STAG1: variants seen among roughly 807,000 people sequenced by gnomAD.
STAG1 encodes STAG1 cohesin complex component, also known as cohesin subunit SA-1.
STAG1 carries 26 observed loss-of-function variants against 170.9 expected under a neutral mutation model. That is an observed-to-expected ratio of 0.15 (90% CI 0.11 to 0.21). The LOEUF (loss-of-function observed/expected upper bound fraction) is 0.21. Among genes scored for constraint, STAG1 ranks in the 10% least tolerant of loss-of-function variants. The pLI is 1.00. For missense variants in STAG1, 964 were observed against 1,509.5 expected (o/e 0.64, Z 5.99); for synonymous variants, 514 against 497.7 (o/e 1.03, Z -0.44).
intron 1 of STAG1, among the ~76,000 whole-genome samples, chr3:136,680,369 C>CT (rs1376903102): frequency 6.6e-6 from 1 of 152,050 alleles, no homozygotes; most frequent in Admixed American, 6.6e-5. Flanking sequence ...AAAACAATCC[C>CT]TTTTTTAAAA....
Position 136,666,074 on chromosome 3 carries a change from C to CAAAAAAAAAAAAAAAAAAAAAAAAAA in STAG1, c.-83-35119_-83-35094dup, listed in dbSNP as rs576009223. On this transcript the variant is annotated intron_variant, in intron 1 of 33. Transcript: ENST00000383202. ...TGGGCGATAGAGTGAGACTCCATCT[C>CAAAAAAAAAAAAAAAAAAAAAAAAAA]AAAAAAAAAAAAAAAAAAAAAAAAA... Among the ~76,000 whole-genome samples, 4 of 51,170 alleles carry CAAAAAAAAAAAAAAAAAAAAAAAAAA rather than the reference C, an allele frequency of 7.8e-5. 1 individual carries two copies. Among genetic ancestry groups the CAAAAAAAAAAAAAAAAAAAAAAAAAA allele is most frequent in the African/African-American group, 5.3e-5 (1 of 19,038 alleles). The allele number at this position is 51,170 out of a possible 152,430, so 33.6% of individuals were successfully genotyped here.
At chr3:136,406,098 T>C (rs1345775791) in intron 21 of STAG1, among the ~76,000 whole-genome samples, 2 of 152,198 alleles carry the variant, frequency 1.3e-5, no homozygotes, top group African/African-American at 4.8e-5. Flanking sequence ...CAAATGTTCA[T>C]GACAGACTTA....
intron 21 of STAG1, among the ~76,000 whole-genome samples, chr3:136,405,791 C>CAAAAAAAAAAAAA (rs34952291): frequency 4.0e-5 from 2 of 50,080 alleles, no homozygotes; most frequent in African/African-American, 1.8e-4. Context: ...ACTCTATCTC[C>CAAAAAAAAAAAAA]AAAAAAAAAA....
chr3:136,555,770 C>T (rs976916476), intron 5 of STAG1, among the ~76,000 whole-genome samples: 2 of 150,882 alleles, frequency 1.3e-5, no homozygotes, highest in Non-Finnish European at 3.0e-5. Flanking sequence ...TGAAATCATC[C>T]AACAAAAATC....
intron 1 of STAG1, among the ~76,000 whole-genome samples, chr3:136,701,592 G>A (rs1460780885): frequency 1.3e-5 from 2 of 152,064 alleles, no homozygotes; most frequent in African/African-American, 4.8e-5. Flanking sequence ...ATGCCCCCCG[G>A]ATGTAAATAT....
At position 136,573,983 on chromosome 3, in the gene STAG1, C is replaced by A. The variant is rs143881580; in HGVS notation, c.298-5122G>T. Among the ~76,000 whole-genome samples the A allele has an allele frequency of 1.6e-3, 244 of 151,394 alleles. 4 individuals are homozygous for A. In the East Asian group the frequency reaches 0.026, roughly 16 times the overall value. ...GAGACGCTGGGTGCAGTGGCTCACA[C>A]CTGTAATCTCAGCACTCTGGGAGCC... On this transcript the variant is annotated intron_variant, in intron 4 of 33. Transcript: ENST00000383202.
intron 22 of STAG1, among the ~76,000 whole-genome samples, chr3:136,379,795 A>G (rs1937846636): frequency 6.6e-6 from 1 of 152,210 alleles, no homozygotes; most frequent in South Asian, 2.1e-4. Flanking sequence ...AGCAGCAAGA[A>G]AAAAAGCTAA....
At chr3:136,425,031 G>T (rs972411347) in intron 16 of STAG1, among the ~76,000 whole-genome samples, 12 of 151,918 alleles carry the variant, frequency 7.9e-5, no homozygotes, top group Non-Finnish European at 1.6e-4. Flanking sequence ...GTAGAGATGG[G>T]GTTTCATCAT....
chr3:136,485,171 C>G (rs1280009258), intron 9 of STAG1, among the ~76,000 whole-genome samples: 1 of 152,092 alleles, frequency 6.6e-6, no homozygotes, highest in East Asian at 1.9e-4. Flanking sequence ...AAAAGTAGCT[C>G]TACTGGCCAG....
intron 1 of STAG1, among the ~76,000 whole-genome samples, chr3:136,700,876 C>CTTTTTTTT (rs35459362): frequency 9.4e-4 from 74 of 78,338 alleles, no homozygotes; most frequent in Non-Finnish European, 1.1e-3. Flanking sequence ...TATTTTTTTT[C>CTTTTTTTT]TTTTTTTTTT....
chr3:136,515,214 A>C (rs1326815206), intron 7 of STAG1, among the ~76,000 whole-genome samples: 1 of 151,992 alleles, frequency 6.6e-6, no homozygotes, highest in Non-Finnish European at 1.5e-5. Flanking sequence ...AAAATACAAA[A>C]ATTAGCTGGG....
At chr3:136,468,134 G>C (rs1431008282) in intron 12 of STAG1, among the ~76,000 whole-genome samples, 1 of 152,088 alleles carries the variant, frequency 6.6e-6, no homozygotes, top group East Asian at 1.9e-4. Context: ...AAAGCTAGCA[G>C]AAGGCAAGAA....
intron 1 of STAG1, among the ~76,000 whole-genome samples, chr3:136,726,334 C>A (rs951555903): frequency 2.0e-5 from 3 of 152,186 alleles, no homozygotes; most frequent in East Asian, 1.9e-4. Flanking sequence ...CAGCATAAAC[C>A]ATTATTCCCA....
At chr3:136,734,114 A>AC (rs1934200374) in intron 1 of STAG1, among the ~76,000 whole-genome samples, 2 of 151,620 alleles carry the variant, frequency 1.3e-5, no homozygotes, top group African/African-American at 4.8e-5. Context: ...ATCTCAAAAA[A>AC]AAAAAAAAAC....
At chr3:136,594,270 C>T (rs533038536) in intron 4 of STAG1, among the ~76,000 whole-genome samples, 88 of 152,172 alleles carry the variant, frequency 5.8e-4, no homozygotes, top group Non-Finnish European at 3.8e-4. Context: ...TTTGATGATA[C>T]GAAGCGATTT....
At chr3:136,604,181 C>A in intron 4 of STAG1, 128 bp downstream of exon 4, 1 of 792,620 alleles carries the variant, frequency 1.3e-6, no homozygotes, top group Non-Finnish European at 1.9e-6. Context: ...AATAACCTTT[C>A]AGGATAAACT....
At chr3:136,403,249 A>AAAAG (rs2087386870) in intron 21 of STAG1, among the ~76,000 whole-genome samples, 3 of 144,222 alleles carry the variant, frequency 2.1e-5, no homozygotes, top group Non-Finnish European at 4.5e-5. Flanking sequence ...AAAAAAAAAA[A>AAAAG]AAAAGAAAAG....
At chr3:136,617,504 A>T (rs1304177087) in intron 3 of STAG1, among the ~76,000 whole-genome samples, 1 of 152,180 alleles carries the variant, frequency 6.6e-6, no homozygotes, top group Non-Finnish European at 1.5e-5. Flanking sequence ...ACAGATAAGG[A>T]GCTATACTGA....
intron 3 of STAG1, among the ~76,000 whole-genome samples, chr3:136,614,642 G>A (rs920531210): frequency 1.3e-5 from 2 of 152,136 alleles, no homozygotes; most frequent in Middle Eastern, 3.2e-3. Flanking sequence ...ATTTAAATGT[G>A]TATCTACATT....
Sources: gnomAD v4.1 joint callset for allele counts (sites outside exome capture counted in the v4.1 genomes callset) on GRCh38, gnomAD v4.1.1 for gene constraint, MANE v1.5 for transcripts, NCBI Gene and HGNC (gene_info 2026-07-23, HGNC 2026-07-21) for gene names.